KIF26B: variants seen among roughly 807,000 people sequenced by gnomAD.
KIF26B encodes the protein kinesin-like protein KIF26B.
KIF26B carries 63 observed loss-of-function variants against 151.2 expected under a neutral mutation model. The ratio of observed to expected loss-of-function variants is 0.42; its 90% confidence interval spans 0.34 to 0.51. KIF26B has a LOEUF of 0.51. Among genes scored for constraint, KIF26B ranks in the 20% least tolerant of loss-of-function variants. KIF26B has a pLI of 0.07. For synonymous variants in KIF26B, 1,357 were observed against 1,262.1 expected, an observed-to-expected ratio of 1.08 and a Z score of -1.59; for missense variants, 2,813 against 2,913.6, an observed-to-expected ratio of 0.97 and a Z score of 0.79.
At chr1:245,411,863 C>A (rs969671050) in intron 3 of KIF26B, among the ~76,000 whole-genome samples, 1 of 152,132 alleles carries the variant, frequency 6.6e-6, no homozygotes, top group Non-Finnish European at 1.5e-5. Flanking sequence ...TCTATCACTG[C>A]ATCGTGATGA....
At chr1:245,369,195 G>GAGAGAGAGAGAGAGAGAGAGACAGAC (rs375330671) in intron 3 of KIF26B, among the ~76,000 whole-genome samples, 1 of 129,506 alleles carries the variant, frequency 7.7e-6, no homozygotes, top group African/African-American at 3.1e-5. Flanking sequence ...GAGAGAGAGA[G>GAGAGAGAGAGAGAGAGAGAGACAGAC]AGACAGACAG....
Position 245,564,368 on chromosome 1 carries a change from C to CA in KIF26B, c.1350+23418_1350+23419insA. 6.6e-6 allele frequency among the ~76,000 whole-genome samples: 1 copy of CA among 152,262 alleles called. No homozygotes were observed. Among genetic ancestry groups the CA allele is most frequent in the East Asian group, 1.9e-4 (1 of 5,188 alleles). Reference sequence around the variant, plus strand: ...GGACTCTCTTCTACGACACGGAGACCTTTCCCGGAGCAGGAACGGGGCCAC... The same window carrying CA: ...GGACTCTCTTCTACGACACGGAGACCATTTCCCGGAGCAGGAACGGGGCCAC... On this transcript the variant is annotated intron_variant, in intron 5 of 14. Coordinates refer to ENST00000407071, the MANE Select transcript of KIF26B (RefSeq NM_018012.4). This position sits in a 1 kb window ranked among gnomAD's most constrained non-coding sequence, Gnocchi z 4.6.
intron 2 of KIF26B, among the ~76,000 whole-genome samples, chr1:245,315,740 A>G (rs1172466473): frequency 6.6e-6 from 1 of 150,942 alleles, no homozygotes; most frequent in Non-Finnish European, 1.5e-5. Flanking sequence ...AAAGAAAAAT[A>G]TCAGTCGGGT....
Position 245,496,020 on chromosome 1 carries a change from A to C in KIF26B, c.1167-44747A>C, listed in dbSNP as rs537461801. Reference sequence around the variant, plus strand: ...GAAATAAAGACATTTCAGGACAAAAATTGAAAGAATCCATCATCAGTAGAC... The same window carrying C: ...GAAATAAAGACATTTCAGGACAAAACTTGAAAGAATCCATCATCAGTAGAC... On this transcript the variant is annotated intron_variant, in intron 4 of 14. Transcript: ENST00000407071. 2.3e-4 allele frequency among the ~76,000 whole-genome samples: 35 copies of C among 152,362 alleles called. 1 individual carries two copies. The highest frequency in any genetic ancestry group is 7.9e-4 in the African/African-American group (33 of 41,594).
chr1:245,673,296 A>G (rs2044316706), intron 10 of KIF26B, among the ~76,000 whole-genome samples: 1 of 140,164 alleles, frequency 7.1e-6, no homozygotes, highest in Non-Finnish European at 1.5e-5. Context: ...GGGCGCTGCC[A>G]TCTTAGGCCC....
rs1488083313 is a variant in KIF26B at position 245,601,338 on chromosome 1, CAG to C, written c.1351-1232_1351-1231del. On this transcript the variant is annotated intron_variant, in intron 5 of 14. Coordinates refer to ENST00000407071, the MANE Select transcript of KIF26B (RefSeq NM_018012.4). The surrounding 1 kb of genome is among the most constrained non-coding windows in gnomAD (Gnocchi z 4.4). ...CTGCAGATTAGTCCTCATCGCTCAG[CAG>C]AGAGAGTCGAGATTGGCAGGAGGAT... Among the ~76,000 whole-genome samples, 1 of 152,222 alleles carries C rather than the reference CAG, an allele frequency of 6.6e-6. No homozygotes were observed. Among genetic ancestry groups the C allele is most frequent in the Non-Finnish European group, 1.5e-5 (1 of 68,040 alleles).
chr1:245,507,331 A>G (rs922149924), intron 4 of KIF26B, among the ~76,000 whole-genome samples: 2 of 152,232 alleles, frequency 1.3e-5, no homozygotes, highest in Admixed American at 1.3e-4. Flanking sequence ...AGAAACCAGG[A>G]GGATGCAGGA....
chr1:245,201,693 A>G (rs1669302770), intron 2 of KIF26B, among the ~76,000 whole-genome samples: 1 of 152,212 alleles, frequency 6.6e-6, no homozygotes, highest in Non-Finnish European at 1.5e-5. Flanking sequence ...AAGCATTACC[A>G]GAAGTCATTA....
chr1:245,188,236 C>T (rs1669034183), intron 2 of KIF26B, among the ~76,000 whole-genome samples: 1 of 146,304 alleles, frequency 6.8e-6, no homozygotes, highest in Admixed American at 7.0e-5. Context: ...GCCTGGATCG[C>T]ACCATTGCAC....
At chr1:245,607,814 C>G in intron 7 of KIF26B, 70 bp downstream of exon 7, 1 of 1,220,576 alleles carries the variant, frequency 8.2e-7, no homozygotes, top group Admixed American at 2.0e-5. Flanking sequence ...CCTCTGTCTC[C>G]CTCCCAGAGT....
intron 5 of KIF26B, among the ~76,000 whole-genome samples, chr1:245,546,912 T>A (rs1301482836): frequency 5.9e-5 from 9 of 152,258 alleles, no homozygotes; most frequent in Non-Finnish European, 2.9e-5. Context: ...TTTCCCTTTC[T>A]TCCTTTATTT....
At chr1:245,630,582 G>A (rs2043770694) in intron 9 of KIF26B, among the ~76,000 whole-genome samples, 1 of 152,050 alleles carries the variant, frequency 6.6e-6, no homozygotes, top group African/African-American at 2.4e-5. Flanking sequence ...GGGCCTGTCA[G>A]GGGGTTGAGG....
chr1:245,633,940 G>C lies in KIF26B; in HGVS notation c.2099-12181G>C, dbSNP rs141398103. On this transcript the variant is annotated intron_variant, in intron 9 of 14. Transcript: ENST00000407071. ...GCCACCTCAGCCTCCTGAGTAGCTA[G>C]GATTATAGGCACATGACATCATACC... Among the ~76,000 whole-genome samples the C allele has an allele frequency of 5.9e-3, 896 of 152,144 alleles. 11 individuals are homozygous for C. Among genetic ancestry groups the C allele is most frequent in the African/African-American group, 0.019 (769 of 41,508 alleles).
rs35637367 is a variant in KIF26B, at chr1:245,276,331, TA to T, written c.466-90491del. Among the ~76,000 whole-genome samples, 489 of 146,662 alleles carry T rather than the reference TA, an allele frequency of 3.3e-3. 15 individuals are homozygous for T. In the East Asian group the frequency reaches 0.052, roughly 16 times the overall value. ...GCCTGGGCAACAGAGACTTCCATCT[TA>T]AAAAAAAAAAATTCTCCCTGAAAAG... On this transcript the variant is annotated intron_variant, in intron 2 of 14. Coordinates refer to ENST00000407071, the MANE Select transcript of KIF26B (RefSeq NM_018012.4).
chr1:245,280,307 A>G (rs1294732377), intron 2 of KIF26B, among the ~76,000 whole-genome samples: 1 of 150,502 alleles, frequency 6.6e-6, no homozygotes, highest in East Asian at 2.0e-4. Context: ...AGGTCAGGAG[A>G]TTGAGACCAT....
chr1:245,262,777 A>G (rs894326392), intron 2 of KIF26B, among the ~76,000 whole-genome samples: 1 of 151,888 alleles, frequency 6.6e-6, no homozygotes, highest in African/African-American at 2.4e-5. Context: ...TTAATGAGAG[A>G]CTCTTGAGTC....
intron 2 of KIF26B, among the ~76,000 whole-genome samples, chr1:245,186,667 T>C (rs901033190): frequency 2.6e-5 from 4 of 152,166 alleles, no homozygotes; most frequent in African/African-American, 9.7e-5. Flanking sequence ...TAACTTGGCC[T>C]TCTGTAAAGT....
intron 5 of KIF26B, among the ~76,000 whole-genome samples, chr1:245,591,624 G>C (rs1040890678): frequency 2.0e-5 from 3 of 152,214 alleles, no homozygotes; most frequent in Non-Finnish European, 2.9e-5. Context: ...ACTGAGGTCG[G>C]AGTGGGTCAT....
Position 245,686,997 on chromosome 1 carries a change from C to A in KIF26B, c.4014C>A (p.Asp1338Glu), listed in dbSNP as rs767408000. Residue 1338 changes from aspartate (D) to glutamate (E), a missense_variant, in exon 12 of 15, where the codon GAC becomes GAA. Physicochemically the swap from Asp to Glu is conservative, Grantham distance 45 (BLOSUM62 2). Coordinates refer to ENST00000407071, the MANE Select transcript of KIF26B (RefSeq NM_018012.4). The surrounding 1 kb of genome is among the most constrained non-coding windows in gnomAD (Gnocchi z 5.6). Reference protein sequence around the residue: ...VCREKPKASPDNLLILSEMGD... With the variant: ...VCREKPKASPENLLILSEMGD... The stretch of plus-strand genomic sequence containing the variant: ...GAGAGAAGCCCAAGGCCAGCCCCGA[C>A]AACTTGCTCATCCTGTCTGAGATGG... 6.8e-6 allele frequency: 11 copies of A among 1,613,488 alleles called. No homozygotes were observed. The highest frequency in any genetic ancestry group is 5.9e-6 in the Non-Finnish European group (7 of 1,179,836).
Sources: gnomAD v4.1 joint callset for allele counts (sites outside exome capture counted in the v4.1 genomes callset) on GRCh38, gnomAD v4.1.1 for gene constraint, Gnocchi (gnomAD v3.1) non-coding constraint, MANE v1.5 for transcripts, NCBI Gene and HGNC (gene_info 2026-07-23, HGNC 2026-07-21) for gene names.